CACNA1D: variants seen among roughly 807,000 people sequenced by gnomAD.
CACNA1D encodes calcium voltage-gated channel subunit alpha1 D.
Under a neutral mutation model 257.1 loss-of-function variants are expected in CACNA1D, and 55 were observed. That is an observed-to-expected ratio of 0.21 (90% CI 0.17 to 0.27). The LOEUF (loss-of-function observed/expected upper bound fraction) is 0.27. Among genes scored for constraint, CACNA1D ranks in the 10% least tolerant of loss-of-function variants. The pLI is 1.00. For synonymous variants in CACNA1D, 980 were observed against 1,014.9 expected (o/e 0.97, Z 0.65); for missense variants, 1,876 against 2,784.0 (o/e 0.67, Z 7.34).
chr3:53,665,401 G>A (rs944455830), intron 5 of CACNA1D, among the ~76,000 whole-genome samples: 1 of 152,148 alleles, frequency 6.6e-6, no homozygotes, highest in Non-Finnish European at 1.5e-5. Context: ...AATGAATGAT[G>A]AACTTTGACA....
At chr3:53,640,991 AG>A (rs1204906026) in intron 3 of CACNA1D, among the ~76,000 whole-genome samples, 1 of 141,296 alleles carries the variant, frequency 7.1e-6, no homozygotes, top group African/African-American at 2.8e-5. Context: ...CTTCCCTTAA[AG>A]GGTGAAGCAG....
intron 3 of CACNA1D, among the ~76,000 whole-genome samples, chr3:53,588,857 GA>G (rs1427609252): frequency 6.6e-6 from 1 of 151,196 alleles, no homozygotes; most frequent in Non-Finnish European, 1.5e-5. Flanking sequence ...CTCCTTTGTG[GA>G]AAAAAAAAGT....
chr3:53,535,002 A>G (rs2092071773), intron 3 of CACNA1D, among the ~76,000 whole-genome samples: 1 of 151,800 alleles, frequency 6.6e-6, no homozygotes, highest in East Asian at 1.9e-4. Flanking sequence ...TCTAACACAA[A>G]TTGCTCCAAT....
chr3:53,713,168 C>T (rs2094778695), intron 9 of CACNA1D, among the ~76,000 whole-genome samples: 2 of 152,208 alleles, frequency 1.3e-5, no homozygotes, highest in African/African-American at 4.8e-5. Flanking sequence ...GCAAGGGAAA[C>T]CCCCTGGTTG....
rs1055221081 is a variant in CACNA1D at position 53,780,381 on chromosome 3, C to T, written c.4690+253C>T. Among the ~76,000 whole-genome samples, 7 of 152,238 alleles carry T rather than the reference C, an allele frequency of 4.6e-5. No homozygotes were observed. In the South Asian group the frequency reaches 8.3e-4, roughly 18 times the overall value. On this transcript the variant is annotated intron_variant, in intron 38 of 47. Coordinates refer to ENST00000350061, the MANE Select transcript of CACNA1D (RefSeq NM_001128840.3). The stretch of plus-strand genomic sequence containing the variant: ...AGTTGACTCATACTACTGCTTACTA[C>T]ATAGCAAGGGAAACAGGCAGGGTAT...
chr3:53,633,139 G>A (rs575903228), intron 3 of CACNA1D, among the ~76,000 whole-genome samples: 2 of 152,228 alleles, frequency 1.3e-5, no homozygotes. Flanking sequence ...TGCATACTAT[G>A]TGCTGACCAT....
intron 11 of CACNA1D, 23 bp from the exon 12 acceptor site, chr3:53,722,291 A>G: frequency 6.2e-7 from 1 of 1,613,546 alleles, no homozygotes; most frequent in Non-Finnish European, 8.5e-7. Context: ...TCATCTACGT[A>G]GTAATGTTTG....
At chr3:53,770,616 CCCCATCCTAGAGGA>C in intron 32 of CACNA1D, 64 bp downstream of exon 32, 1 of 1,538,420 alleles carries the variant, frequency 6.5e-7, no homozygotes, top group Non-Finnish European at 9.0e-7. Flanking sequence ...CAGTGATTGT[CCCCATCCTAGAGGA>C]CCCAGGCTCC....
intron 20 of CACNA1D, among the ~76,000 whole-genome samples, chr3:53,738,562 A>G (rs1400456962): frequency 6.6e-6 from 1 of 152,214 alleles, no homozygotes; most frequent in East Asian, 1.9e-4. Flanking sequence ...TAGGATTCGC[A>G]TTGACAAGGG....
intron 27 of CACNA1D, among the ~76,000 whole-genome samples, chr3:53,749,948 T>G (rs1156944618): frequency 6.6e-6 from 1 of 152,216 alleles, no homozygotes; most frequent in Non-Finnish European, 1.5e-5. Context: ...TTCCAGCTGT[T>G]AGATGCCAAT....
chr3:53,611,589 A>G (rs1030937258), intron 3 of CACNA1D, among the ~76,000 whole-genome samples: 1 of 151,958 alleles, frequency 6.6e-6, no homozygotes, highest in Non-Finnish European at 1.5e-5. Flanking sequence ...TTAATTTTTC[A>G]ATCATTATTA....
chr3:53,578,961 G>A (rs1004571540), intron 3 of CACNA1D, among the ~76,000 whole-genome samples: 1 of 152,152 alleles, frequency 6.6e-6, no homozygotes, highest in African/African-American at 2.4e-5. Flanking sequence ...GAGGAAGGGG[G>A]AGTAAAGGGC....
intron 3 of CACNA1D, among the ~76,000 whole-genome samples, chr3:53,574,066 G>A (rs1175985236): frequency 1.3e-5 from 2 of 152,172 alleles, no homozygotes; most frequent in African/African-American, 2.4e-5. Context: ...TGCTCTGGAG[G>A]AGGAAGGGCA....
chr3:53,533,683 C>T (rs535923896), intron 3 of CACNA1D, among the ~76,000 whole-genome samples: 55 of 152,314 alleles, frequency 3.6e-4, no homozygotes, highest in South Asian at 2.3e-3. Context: ...GCCTCCTCCA[C>T]GGCTGCTATG....
At position 53,762,013 on chromosome 3, in the gene CACNA1D, G is replaced by A. The variant is rs2108948523; in HGVS notation, c.3802G>A (p.Ala1268Thr). ...CTCTGTCCAGGGGTATTTTAGTGACGCCTGGAACACGTTTGACTCCCTCAT... is the reference window on the plus strand; with the variant it reads ...CTCTGTCCAGGGGTATTTTAGTGACACCTGGAACACGTTTGACTCCCTCAT... ...AFKPKGYFSD[A>T]WNTFDSLIVI... Residue 1268 changes from alanine to threonine, a missense_variant, in exon 30 of 48, where the codon GCC (alanine) becomes ACC (threonine). Physicochemically the swap from Ala to Thr is moderately conservative, Grantham distance 58. Coordinates refer to ENST00000350061, the MANE Select transcript of CACNA1D (RefSeq NM_001128840.3). 3.7e-6 allele frequency: 6 copies of A among 1,612,464 alleles called. No homozygotes were observed. Among genetic ancestry groups the A allele is most frequent in the East Asian group, 2.2e-5 (1 of 44,884 alleles).
At position 53,702,666 on chromosome 3, in the gene CACNA1D, G is replaced by A; in HGVS notation, c.1246G>A (p.Ala416Thr). ...SGEFSKEREK[A>T]KARGDFQKLR... is the part of the protein sequence containing the mutation. ...AGAATTCTCAAAGGAAAGAGAGAAG[G>A]CAAAAGCACGGGGAGATTTCCAGAA... Residue 416 changes from alanine to threonine, a missense_variant, in exon 9 of 48, where the codon GCA (alanine) becomes ACA (threonine). By Grantham distance (58) the Ala-to-Thr change is moderately conservative (BLOSUM62 0). Around this residue, in one of 10 missense-constraint regions of CACNA1D, gnomAD observed 188 missense variants for 390.4 expected, o/e 0.48. Transcript: ENST00000350061. 1 of 1,614,104 alleles carries A rather than the reference G, an allele frequency of 6.2e-7. No individual in the cohort carries two copies.
chr3:53,680,414 C>A (rs1465031983), intron 8 of CACNA1D, among the ~76,000 whole-genome samples: 1 of 151,992 alleles, frequency 6.6e-6, no homozygotes, highest in Non-Finnish European at 1.5e-5. Context: ...GCCACATGTG[C>A]CCTCCTGGAT....
intron 15 of CACNA1D, among the ~76,000 whole-genome samples, chr3:53,728,924 T>C (rs1186838799): frequency 6.6e-6 from 1 of 152,248 alleles, no homozygotes; most frequent in Non-Finnish European, 1.5e-5. Flanking sequence ...TGATGGATTT[T>C]GCTCTGGAAA....
intron 3 of CACNA1D, among the ~76,000 whole-genome samples, chr3:53,503,877 T>TC (rs1466663820): frequency 5.3e-5 from 8 of 152,064 alleles, no homozygotes; most frequent in Non-Finnish European, 1.0e-4. Context: ...CTCATGGCAT[T>TC]CAACTTTGTG....
Sources: allele counts gnomAD v4.1 joint callset (sites outside exome capture counted in the v4.1 genomes callset), GRCh38; gene constraint gnomAD v4.1.1; regional missense constraint gnomAD v4.1.1; transcripts MANE v1.5; gene names NCBI Gene and HGNC (gene_info 2026-07-23, HGNC 2026-07-21).